Variants in PXDNL observed in about 807,000 individuals in gnomAD.
PXDNL encodes peroxidasin like.
Under a neutral mutation model 150.8 loss-of-function variants are expected in PXDNL, and 145 were observed. The ratio of observed to expected loss-of-function variants is 0.96; its 90% CI spans 0.84 to 1.10. PXDNL has a LOEUF of 1.10. Ranked by LOEUF, PXDNL falls within the 50% of genes least tolerant of loss-of-function variation. The probability of loss-of-function intolerance (pLI) is 0.00; values close to 1 mark genes in which losing one functional copy is unlikely to be tolerated. For missense variants in PXDNL, 2,087 were observed against 1,873.9 expected (o/e 1.11, Z -2.10); for synonymous variants, 757 against 725.7 (o/e 1.04, Z -0.69).
chr8:51,655,257 A>G (rs888605995), intron 1 of PXDNL, among the ~76,000 whole-genome samples: 2 of 152,336 alleles, frequency 1.3e-5, no homozygotes, highest in Admixed American at 1.3e-4. Context: ...CAACAGAACA[A>G]TTAGTTTGAG....
rs1808443248 is a variant in PXDNL at position 51,406,655 on chromosome 8, A to T, written c.3557+1412T>A. 2.0e-5 allele frequency among the ~76,000 whole-genome samples: 3 copies of T among 152,188 alleles called. No homozygotes were observed. The South Asian group carries it at 6.2e-4, about 31-fold the overall frequency. ...TCTAGCCTCTTACACTTAAACTTCT[A>T]AGACCAGATCAAATGACATCTCTTA... On this transcript the variant is annotated intron_variant, in intron 17 of 22. Coordinates refer to ENST00000356297, the MANE Select transcript of PXDNL (RefSeq NM_144651.5).
chr8:51,552,799 C>T (rs189941933), intron 4 of PXDNL, among the ~76,000 whole-genome samples: 51 of 152,072 alleles, frequency 3.4e-4, no homozygotes, highest in African/African-American at 1.4e-4. Flanking sequence ...TGTAACCAAA[C>T]GCCATGTGTT....
chr8:51,561,554 A>G (rs930397167), intron 3 of PXDNL, among the ~76,000 whole-genome samples: 2 of 151,956 alleles, frequency 1.3e-5, no homozygotes, highest in African/African-American at 4.8e-5. Flanking sequence ...AAAACGAAGG[A>G]AATTCTGACA....
At chr8:51,800,228 T>A (rs989882011) in intron 1 of PXDNL, among the ~76,000 whole-genome samples, 5 of 152,154 alleles carry the variant, frequency 3.3e-5, no homozygotes, top group Non-Finnish European at 5.9e-5. Flanking sequence ...AATTGGCTCA[T>A]TCCTGCATGC....
At chr8:51,797,718 A>C (rs1270380572) in intron 1 of PXDNL, among the ~76,000 whole-genome samples, 1 of 103,856 alleles carries the variant, frequency 9.6e-6, no homozygotes, top group African/African-American at 2.5e-5. Context: ...ATGGATAGGA[A>C]GAATTAATAT....
chr8:51,776,360 G>T (rs112538255), intron 1 of PXDNL, among the ~76,000 whole-genome samples: 20 of 152,158 alleles, frequency 1.3e-4, no homozygotes, highest in African/African-American at 4.8e-4. Flanking sequence ...CTGGTTTTGC[G>T]GGTTGGGGGG....
chr8:51,393,268 A>C (rs1245264971), intron 17 of PXDNL, among the ~76,000 whole-genome samples: 1 of 152,234 alleles, frequency 6.6e-6, no homozygotes, highest in East Asian at 1.9e-4. Context: ...TAGACTTAGC[A>C]TCCAGGCAGT....
intron 1 of PXDNL, among the ~76,000 whole-genome samples, chr8:51,755,067 G>T (rs1272775302): frequency 6.6e-6 from 1 of 152,098 alleles, no homozygotes; most frequent in East Asian, 1.9e-4. Flanking sequence ...ATACAAGAGA[G>T]AACACAGGGA....
At chr8:51,335,492 G>T (rs1805806366) in intron 21 of PXDNL, among the ~76,000 whole-genome samples, 1 of 152,098 alleles carries the variant, frequency 6.6e-6, no homozygotes, top group South Asian at 2.1e-4. Context: ...CTGTTTCCAT[G>T]ACCTTTGTTC....
At chr8:51,616,873 C>G (rs1291859979) in intron 2 of PXDNL, among the ~76,000 whole-genome samples, 2 of 152,068 alleles carry the variant, frequency 1.3e-5, no homozygotes, top group Non-Finnish European at 2.9e-5. Flanking sequence ...CTCTAGATTG[C>G]TTATAATATA....
intron 19 of PXDNL, among the ~76,000 whole-genome samples, chr8:51,352,144 A>G (rs1052415343): frequency 5.9e-5 from 9 of 152,118 alleles, no homozygotes; most frequent in African/African-American, 2.2e-4. Flanking sequence ...AATCAGGAAG[A>G]TAATTCCCAC....
intron 1 of PXDNL, among the ~76,000 whole-genome samples, chr8:51,704,846 G>A (rs1356746470): frequency 6.6e-6 from 1 of 151,828 alleles, no homozygotes; most frequent in African/African-American, 2.4e-5. Flanking sequence ...TGATTTCTAG[G>A]ACTGTGTATA....
intron 4 of PXDNL, among the ~76,000 whole-genome samples, chr8:51,508,271 T>G (rs2130329423): frequency 6.6e-6 from 1 of 152,284 alleles, no homozygotes; most frequent in Non-Finnish European, 1.5e-5. Context: ...ATTTTCCCCT[T>G]AAGGTAAAAG....
chr8:51,384,585 CTATA>C (rs1176710998), intron 17 of PXDNL, among the ~76,000 whole-genome samples: 1 of 151,884 alleles, frequency 6.6e-6, no homozygotes, highest in African/African-American at 2.4e-5. Context: ...TTTTAGAAAA[CTATA>C]TATAAAGCTC....
At chr8:51,542,311 T>G (rs1397504126) in intron 4 of PXDNL, among the ~76,000 whole-genome samples, 3 of 152,184 alleles carry the variant, frequency 2.0e-5, no homozygotes, top group Admixed American at 2.0e-4. Flanking sequence ...TTTATAATTT[T>G]GTCTCAGCAT....
At chr8:51,766,816 G>C (rs2037237045) in intron 1 of PXDNL, among the ~76,000 whole-genome samples, 1 of 151,980 alleles carries the variant, frequency 6.6e-6, no homozygotes, top group African/African-American at 2.4e-5. Context: ...ATCCTACTTG[G>C]AGTTCATTGA....
chr8:51,801,683 AC>A (rs1159002165), intron 1 of PXDNL, among the ~76,000 whole-genome samples: 2 of 152,210 alleles, frequency 1.3e-5, no homozygotes, highest in Non-Finnish European at 2.9e-5. Flanking sequence ...AACAGTGTGC[AC>A]AAAGCCCATT....
At chr8:51,782,317 C>G (rs2037423241) in intron 1 of PXDNL, among the ~76,000 whole-genome samples, 1 of 152,148 alleles carries the variant, frequency 6.6e-6, no homozygotes, top group Non-Finnish European at 1.5e-5. Flanking sequence ...TAGCTCCAAG[C>G]TCAAGGGAAA....
chr8:51,376,725 CT>C (rs11330281), intron 17 of PXDNL, among the ~76,000 whole-genome samples: 4,982 of 143,124 alleles, frequency 0.035, 241 homozygotes, highest in African/African-American at 0.12. Context: ...CTCTCTCTCT[CT>C]TTTTTTTTTT....
Sources: gnomAD v4.1 joint callset for allele counts (sites outside exome capture counted in the v4.1 genomes callset) on GRCh38, gnomAD v4.1.1 for gene constraint, MANE v1.5 for transcripts, NCBI Gene and HGNC (gene_info 2026-07-23, HGNC 2026-07-21) for gene names.